Variants in RNF34 observed in about 807,000 individuals in gnomAD.
The protein encoded by RNF34 is ring finger protein 34.
A neutral mutation model predicts 37.9 loss-of-function variants in RNF34; 12 were observed. The ratio of observed to expected loss-of-function variants is 0.32; its 90% CI spans 0.20 to 0.51. The LOEUF (loss-of-function observed/expected upper bound fraction) is 0.51. RNF34 is among the 20% of genes least tolerant of loss of function. The pLI, the probability that RNF34 is intolerant of heterozygous loss-of-function variation, is 0.97. For synonymous variants in RNF34, 155 were observed against 177.2 expected (o/e 0.87, Z 1.00); for missense variants, 362 against 472.7 (o/e 0.77, Z 2.17).
In RNF34 at chr12:121,417,650, G is replaced by A. The variant is rs1871696919; in HGVS notation, c.372G>A (p.Arg124=). The change falls in exon 3 of 6, where the codon CGG becomes CGA. Residue 124 remains arginine, a synonymous_variant. Transcript: ENST00000361234. This position sits in a 1 kb window ranked among gnomAD's most constrained non-coding sequence, Gnocchi z 5.0. ...TGCGACTGAAGGTGAAGGACCTGCG[G>A]CAGTATCTCATTCTGAGAAATATAC... ...QLMRLKVKDL[R]QYLILRNIPI... 1.1e-5 allele frequency: 18 copies of A among 1,614,172 alleles called. No homozygotes were observed. The highest frequency in any genetic ancestry group is 1.5e-5 in the Non-Finnish European group (18 of 1,180,030).
intron 5 of RNF34, among the ~76,000 whole-genome samples, chr12:121,420,980 C>T (rs895876276): frequency 3.9e-5 from 6 of 152,080 alleles, no homozygotes; most frequent in Admixed American, 3.3e-4. Context: ...GCTGCGAGAC[C>T]ACCACTGCCA....
At chr12:121,422,026 A>G (rs1420922337) in intron 5 of RNF34, among the ~76,000 whole-genome samples, 1 of 152,244 alleles carries the variant, frequency 6.6e-6, no homozygotes, top group African/African-American at 2.4e-5. Flanking sequence ...CAGAGGTCGT[A>G]GGCTGCTGGC....
chr12:121,423,405 G>C lies in RNF34; in HGVS notation c.948G>C (p.Leu316=). ...NQKSYGERLQ[L]QDEEDDSLCR... ...TTTCAGATGGCGAGCGGCTGCAGCT[G>C]CAGGATGAGGAAGACGACAGCCTGT... The change falls in exon 6 of 6, where the codon CTG becomes CTC. Residue 316 remains leucine (L), a synonymous_variant. Coordinates refer to ENST00000361234, the MANE Select transcript of RNF34 (RefSeq NM_025126.4). The surrounding 1 kb of genome is among the most constrained non-coding windows in gnomAD (Gnocchi z 4.3). 2 of 1,608,978 alleles carry C rather than the reference G, an allele frequency of 1.2e-6. No individual in the cohort carries two copies. Among genetic ancestry groups the C allele is most frequent in the Non-Finnish European group, 1.7e-6 (2 of 1,176,990 alleles).
chr12:121,422,783 G>T (rs1308125206), intron 5 of RNF34, among the ~76,000 whole-genome samples: 5 of 152,194 alleles, frequency 3.3e-5, no homozygotes, highest in Admixed American at 3.3e-4. Flanking sequence ...TTTCTCAGAT[G>T]TAAAGGTGGG....
At chr12:121,418,375 TGTA>T (rs1871775801) in intron 3 of RNF34, 2 of 158,434 alleles carry the variant, frequency 1.3e-5, no homozygotes, top group African/African-American at 4.8e-5. Context: ...AGTGAAAAAA[TGTA>T]GTTATTTACT....
chr12:121,401,354 C>CAAAAAAAAAAAAAAA lies in RNF34; in HGVS notation c.6+1142_6+1156dup, dbSNP rs563285897. Among the ~76,000 whole-genome samples the CAAAAAAAAAAAAAAA allele has an allele frequency of 1.4e-4, 11 of 76,782 alleles. 1 individual carries two copies. Among genetic ancestry groups the CAAAAAAAAAAAAAAA allele is most frequent in the Non-Finnish European group, 1.8e-4 (7 of 39,144 alleles). The allele number at this position is 76,782 out of a possible 152,430, so 50.4% of individuals were successfully genotyped here. On this transcript the variant is annotated intron_variant, in intron 1 of 5. Coordinates refer to ENST00000361234, the MANE Select transcript of RNF34 (RefSeq NM_025126.4). Reference sequence around the variant, plus strand: ...TTACAAGGCAGAAGGCTATAGGTATCAAAAAAAAAAAAAAAAAAAAGGCAG... The same window carrying CAAAAAAAAAAAAAAA: ...TTACAAGGCAGAAGGCTATAGGTATCAAAAAAAAAAAAAAAAAAAAAAAAAAAAAAAAAAAGGCAG...
chr12:121,404,128 C>T (rs1870272094), intron 1 of RNF34, among the ~76,000 whole-genome samples: 1 of 151,256 alleles, frequency 6.6e-6, no homozygotes, highest in Non-Finnish European at 1.5e-5. Flanking sequence ...AGTTCTCCTG[C>T]CTCAGCTTCC....
chr12:121,413,415 C>CTTTTTTTTTTTTTTT (rs573738844), intron 1 of RNF34, among the ~76,000 whole-genome samples: 10 of 130,690 alleles, frequency 7.7e-5, no homozygotes, highest in African/African-American at 1.9e-4. Flanking sequence ...TTTACCTGTC[C>CTTTTTTTTTTTTTTT]TTTTTTTTTT....
chr12:121,402,862 T>A, intron 1 of RNF34: 1 of 1,214,340 alleles, frequency 8.2e-7, no homozygotes, highest in Non-Finnish European at 1.2e-6. Context: ...GTTTGGCCAA[T>A]GTCTTGTCTA....
chr12:121,421,380 A>AAG, intron 5 of RNF34, among the ~76,000 whole-genome samples: 1 of 144,610 alleles, frequency 6.9e-6, no homozygotes, highest in Non-Finnish European at 1.5e-5. Flanking sequence ...CTAAAAAAAA[A>AAG]AAAAAAAAAA....
At chr12:121,415,099 GAAA>G (rs1180057235) in intron 1 of RNF34, among the ~76,000 whole-genome samples, 1 of 150,846 alleles carries the variant, frequency 6.6e-6, no homozygotes, top group Non-Finnish European at 1.5e-5. Flanking sequence ...TCCATCTCAA[GAAA>G]AAAAAGAATT....
At chr12:121,400,277 C>T (rs782361765) in intron 1 of RNF34, 59 bp downstream of exon 1, 267 of 1,580,652 alleles carry the variant, frequency 1.7e-4, no homozygotes, top group Non-Finnish European at 2.2e-4. Flanking sequence ...GCCAGGGCAC[C>T]TGAAGCGCCT....
intron 4 of RNF34, 44 bp from the exon 5 acceptor site, chr12:121,420,533 C>G: frequency 6.2e-7 from 1 of 1,602,030 alleles, no homozygotes; most frequent in Non-Finnish European, 8.6e-7. Context: ...TGGGGAGGGT[C>G]TGGACTTATG....
At chr12:121,413,558 C>A (rs1179781876) in intron 1 of RNF34, among the ~76,000 whole-genome samples, 3 of 150,566 alleles carry the variant, frequency 2.0e-5, no homozygotes, top group Admixed American at 6.6e-5. Flanking sequence ...ATTACAGAAG[C>A]CTGCCACCAT....
chr12:121,408,744 A>G (rs537114455), intron 1 of RNF34, among the ~76,000 whole-genome samples: 2 of 152,334 alleles, frequency 1.3e-5, no homozygotes, highest in South Asian at 4.1e-4. Context: ...ACTTTGAACA[A>G]TGGCTGCTTT....
At chr12:121,413,438 GT>G (rs1871284705) in intron 1 of RNF34, among the ~76,000 whole-genome samples, 1 of 105,750 alleles carries the variant, frequency 9.5e-6, no homozygotes, top group Non-Finnish European at 1.8e-5. Context: ...TTGAGACGGA[GT>G]TTTGCTCTTT....
chr12:121,406,084 C>T lies in RNF34; in HGVS notation c.6+5866C>T, dbSNP rs369707785. ...CTGGGATTACATGAGCCACCGTGCC[C>T]GGCCTGTCTTATTTCTTAATTAGCT... On this transcript the variant is annotated intron_variant, in intron 1 of 5. Coordinates refer to ENST00000361234, the MANE Select transcript of RNF34 (RefSeq NM_025126.4). Among the ~76,000 whole-genome samples the T allele has an allele frequency of 7.9e-5, 12 of 152,220 alleles. No individual in the cohort carries two copies. In the South Asian group the frequency reaches 2.3e-3, roughly 29 times the overall value.
chr12:121,415,125 A>G (rs1555281945), intron 1 of RNF34, among the ~76,000 whole-genome samples: 1 of 152,066 alleles, frequency 6.6e-6, no homozygotes, highest in Non-Finnish European at 1.5e-5. Context: ...GAAAGTAGAG[A>G]AAATTTCAGA....
chr12:121,402,568 A>G (rs534749271), intron 1 of RNF34, among the ~76,000 whole-genome samples: 1 of 151,980 alleles, frequency 6.6e-6, no homozygotes, highest in Admixed American at 6.6e-5. Context: ...AAAAAAAAAA[A>G]TCCAAATTGG....
Sources: allele counts gnomAD v4.1 joint callset (sites outside exome capture counted in the v4.1 genomes callset), GRCh38; gene constraint gnomAD v4.1.1; non-coding constraint Gnocchi (gnomAD v3.1); transcripts MANE v1.5; gene names NCBI Gene and HGNC (gene_info 2026-07-23, HGNC 2026-07-21).